FLRT1: variants seen among roughly 807,000 people sequenced by gnomAD.
FLRT1 encodes leucine-rich repeat transmembrane protein FLRT1.
In FLRT1, 14 loss-of-function variants were observed where a neutral mutation model predicts 30.9. The observed-to-expected ratio is 0.45, with a 90% CI of 0.30 to 0.71. The LOEUF (loss-of-function observed/expected upper bound fraction) is 0.71. FLRT1 is among the 30% of genes least tolerant of loss of function. The pLI is 0.08. For synonymous variants in FLRT1, 368 were observed against 430.4 expected, an observed-to-expected ratio of 0.85 and a Z score of 1.80; for missense variants, 737 against 949.2, an observed-to-expected ratio of 0.78 and a Z score of 2.94.
chr11:64,118,147 A>T lies in FLRT1; in HGVS notation c.1880A>T (p.Tyr627Phe). ...PGLQMLPINP[Y>F]RAKEEYVVHT... ...CTGCAGATGCTGCCCATCAACCCGT[A>T]CCGCGCCAAAGAAGAGTACGTGGTC... The change falls in exon 3 of 3, where the codon TAC (tyrosine) becomes TTC (phenylalanine). Residue 627 changes from tyrosine (Y) to phenylalanine (F), a missense_variant. Physicochemically the swap from Tyr to Phe is conservative, Grantham distance 22 (BLOSUM62 3). Coordinates refer to ENST00000682287, the MANE Select transcript of FLRT1 (RefSeq NM_013280.5). 1.2e-6 allele frequency: 2 copies of T among 1,613,824 alleles called. No homozygotes were observed. The highest frequency in any genetic ancestry group is 1.7e-6 in the Non-Finnish European group (2 of 1,179,970).
At chr11:64,113,236 G>A (rs1444441115) in intron 2 of FLRT1, among the ~76,000 whole-genome samples, 2 of 152,228 alleles carry the variant, frequency 1.3e-5, no homozygotes, top group Non-Finnish European at 2.9e-5. Flanking sequence ...TAAATATTAG[G>A]AAAGTTCTCA....
intron 1 of FLRT1, among the ~76,000 whole-genome samples, chr11:64,054,864 T>C (rs758706255): frequency 6.6e-6 from 1 of 152,044 alleles, no homozygotes; most frequent in Non-Finnish European, 1.5e-5. Context: ...AAGGGAATTC[T>C]AGCATCTCCC....
At chr11:64,059,318 A>AT (rs542259822) in intron 1 of FLRT1, among the ~76,000 whole-genome samples, 332 of 152,274 alleles carry the variant, frequency 2.2e-3, no homozygotes, top group African/African-American at 7.3e-3. Context: ...CTGAAGGTGG[A>AT]TGCGTGTAGC....
At chr11:64,071,835 C>A (rs1015625830) in intron 1 of FLRT1, among the ~76,000 whole-genome samples, 1 of 152,130 alleles carries the variant, frequency 6.6e-6, no homozygotes, top group Non-Finnish European at 1.5e-5. Context: ...GGCATCGAGA[C>A]TCACCCAGGC....
rs1943966579 is a variant in FLRT1 at position 64,064,803 on chromosome 11, T to G, written c.-1038+28644T>G. On this transcript the variant is annotated intron_variant, in intron 1 of 2. Coordinates refer to ENST00000682287, the MANE Select transcript of FLRT1 (RefSeq NM_013280.5). This position sits in a 1 kb window ranked among gnomAD's most constrained non-coding sequence, Gnocchi z 4.5. ...AGAACAGAGGCTGCCAACTAAAACC[T>G]GGGCACCCGGTGGCCAAGAGGCTAG... Among the ~76,000 whole-genome samples, 1 of 151,950 alleles carries G rather than the reference T, an allele frequency of 6.6e-6. No homozygotes were observed. Among genetic ancestry groups the G allele is most frequent in the East Asian group, 1.9e-4 (1 of 5,188 alleles).
intron 1 of FLRT1, among the ~76,000 whole-genome samples, chr11:64,045,386 A>C (rs1943565250): frequency 1.3e-5 from 2 of 152,220 alleles, no homozygotes; most frequent in Admixed American, 1.3e-4. Flanking sequence ...GGACCTGGGC[A>C]TGTTGATAAT....
chr11:64,068,136 G>A (rs1384578567), intron 1 of FLRT1, among the ~76,000 whole-genome samples: 3 of 152,240 alleles, frequency 2.0e-5, no homozygotes, highest in Admixed American at 1.3e-4. Context: ...GTAAATTAAT[G>A]GCATTAAGAT....
chr11:64,052,749 T>C (rs1265708916), intron 1 of FLRT1, among the ~76,000 whole-genome samples: 1 of 151,826 alleles, frequency 6.6e-6, no homozygotes, highest in South Asian at 2.1e-4. Context: ...AGGGGTGGAG[T>C]TGTGATGTAA....
intron 2 of FLRT1, among the ~76,000 whole-genome samples, chr11:64,108,014 A>G (rs1944793496): frequency 6.6e-6 from 1 of 152,172 alleles, no homozygotes; most frequent in Non-Finnish European, 1.5e-5. Context: ...ACAAAAGCCC[A>G]GGGAAGTAGA....
intron 1 of FLRT1, among the ~76,000 whole-genome samples, chr11:64,050,168 C>T (rs1268850269): frequency 6.6e-6 from 1 of 152,082 alleles, no homozygotes; most frequent in Non-Finnish European, 1.5e-5. Flanking sequence ...GCCACTCCCA[C>T]CTCTCCCTCC....
At position 64,106,924 on chromosome 11, in the gene FLRT1, C is replaced by T. The variant is rs189108025; in HGVS notation, c.-50+2743C>T. 2.3e-3 allele frequency among the ~76,000 whole-genome samples: 347 copies of T among 152,138 alleles called. 2 individuals carry two copies. The highest frequency in any genetic ancestry group is 8.1e-3 in the African/African-American group (335 of 41,454). On this transcript the variant is annotated intron_variant, in intron 2 of 2. Coordinates refer to ENST00000682287, the MANE Select transcript of FLRT1 (RefSeq NM_013280.5). ...TGAGATAGGGTCTTACTCTGTCACT[C>T]GGGCTGGAGTGCAGTGGCACGATCT...
intron 1 of FLRT1, among the ~76,000 whole-genome samples, chr11:64,078,667 C>T (rs964448171): frequency 8.5e-5 from 13 of 152,164 alleles, no homozygotes; most frequent in Non-Finnish European, 1.5e-4. Context: ...CAAATATGTG[C>T]TCTTCACCGA....
intron 1 of FLRT1, among the ~76,000 whole-genome samples, chr11:64,085,307 G>C (rs1944373998): frequency 1.3e-5 from 2 of 152,172 alleles, no homozygotes; most frequent in Non-Finnish European, 2.9e-5. Flanking sequence ...GTTCAATTTT[G>C]AACTGAAGTG....
chr11:64,072,262 CA>C (rs1014478344), intron 1 of FLRT1, among the ~76,000 whole-genome samples: 5 of 151,984 alleles, frequency 3.3e-5, no homozygotes, highest in Non-Finnish European at 7.4e-5. Context: ...CAGATGGGTA[CA>C]GGGGTGATGC....
At chr11:64,047,511 G>T (rs1943607344) in intron 1 of FLRT1, among the ~76,000 whole-genome samples, 1 of 152,106 alleles carries the variant, frequency 6.6e-6, no homozygotes, top group Admixed American at 6.5e-5. Flanking sequence ...CTCCTCACCT[G>T]CCTGGCATTC....
intron 1 of FLRT1, among the ~76,000 whole-genome samples, chr11:64,062,609 CTGGG>C (rs1943925384): frequency 5.3e-5 from 8 of 149,924 alleles, no homozygotes; most frequent in Non-Finnish European, 7.4e-5. Flanking sequence ...GTCCTGGGCG[CTGGG>C]GATGGAGCAG....
At chr11:64,102,230 G>A (rs192496512) in intron 1 of FLRT1, among the ~76,000 whole-genome samples, 13 of 152,292 alleles carry the variant, frequency 8.5e-5, no homozygotes, top group African/African-American at 2.9e-4. Flanking sequence ...ACACCAGGGC[G>A]CCGCGGCCCT....
chr11:64,069,642 T>A lies in FLRT1; in HGVS notation c.-1038+33483T>A, dbSNP rs181002572. Among the ~76,000 whole-genome samples, 25 of 152,156 alleles carry A rather than the reference T, an allele frequency of 1.6e-4. 1 individual carries two copies. The highest frequency in any genetic ancestry group is 6.5e-5 in the Admixed American group (1 of 15,296). On this transcript the variant is annotated intron_variant, in intron 1 of 2. Coordinates refer to ENST00000682287, the MANE Select transcript of FLRT1 (RefSeq NM_013280.5). ...CTCCTGCAGTGGCCTGACCCCATCC[T>A]GGGCATGGGGAGGCAGCCCCTCCAT... is the stretch of plus-strand genomic sequence containing the variant.
chr11:64,089,255 G>A (rs1452768672), intron 1 of FLRT1, among the ~76,000 whole-genome samples: 1 of 152,206 alleles, frequency 6.6e-6, no homozygotes, highest in East Asian at 1.9e-4. Flanking sequence ...TCTGGGTGGG[G>A]GAGCAGGGCT....
Sources: gnomAD v4.1 joint callset for allele counts (sites outside exome capture counted in the v4.1 genomes callset) on GRCh38, gnomAD v4.1.1 for gene constraint, Gnocchi (gnomAD v3.1) non-coding constraint, MANE v1.5 for transcripts, NCBI Gene and HGNC (gene_info 2026-07-23, HGNC 2026-07-21) for gene names.